Variants in DOCK2 observed in about 807,000 individuals in gnomAD.
The protein encoded by DOCK2 is dedicator of cytokinesis 2.
Under a neutral mutation model 248.9 loss-of-function variants are expected in DOCK2, and 87 were observed. That is an observed-to-expected ratio of 0.35 (90% confidence interval 0.29 to 0.42). DOCK2 has a LOEUF of 0.42. DOCK2 is among the 10% of genes least tolerant of loss of function. The probability of loss-of-function intolerance (pLI) is 1.00; values close to 1 mark genes in which losing one functional copy is unlikely to be tolerated. For missense variants in DOCK2, 1,747 were observed against 2,300.2 expected (o/e 0.76, Z 4.92); for synonymous variants, 805 against 821.6 (o/e 0.98, Z 0.35).
chr5:170,006,080 A>G (rs560501185), intron 30 of DOCK2, among the ~76,000 whole-genome samples: 17 of 152,286 alleles, frequency 1.1e-4, no homozygotes, highest in African/African-American at 3.1e-4. Context: ...GAGAAGGTGT[A>G]AGCTCCGGAC....
At chr5:169,738,384 A>G (rs1198948626) in intron 22 of DOCK2, among the ~76,000 whole-genome samples, 1 of 152,174 alleles carries the variant, frequency 6.6e-6, no homozygotes, top group Non-Finnish European at 1.5e-5. Flanking sequence ...TTGGTCCTCC[A>G]TGGTACTGAT....
At chr5:169,997,195 C>T (rs1278681315) in intron 30 of DOCK2, among the ~76,000 whole-genome samples, 1 of 143,582 alleles carries the variant, frequency 7.0e-6, no homozygotes, top group East Asian at 2.0e-4. Flanking sequence ...TTTAGATATG[C>T]ATACACATAG....
At chr5:169,902,813 G>T (rs1774004211) in intron 27 of DOCK2, among the ~76,000 whole-genome samples, 2 of 152,172 alleles carry the variant, frequency 1.3e-5, no homozygotes, top group Non-Finnish European at 2.9e-5. Flanking sequence ...AAAAGAAAGG[G>T]GTGAGGCCAG....
In DOCK2 at chr5:169,645,265, A is replaced by G. The variant is rs1757394652; in HGVS notation, c.43+7896A>G. On this transcript the variant is annotated intron_variant, in intron 1 of 51. Coordinates refer to ENST00000520908, the MANE Select transcript of DOCK2 (RefSeq NM_004946.3). ...ACATTCCCACCAACAGTGTAAAAGT[A>G]TTCTTATTTCTCCACAGCCTCACCA... Among the ~76,000 whole-genome samples, 4 of 152,196 alleles carry G rather than the reference A, an allele frequency of 2.6e-5. No individual in the cohort carries two copies. The South Asian group carries it at 8.3e-4, about 32-fold the overall frequency.
intron 6 of DOCK2, among the ~76,000 whole-genome samples, chr5:169,675,884 C>A (rs979826565): frequency 5.9e-5 from 9 of 152,224 alleles, no homozygotes; most frequent in Non-Finnish European, 1.3e-4. Flanking sequence ...GGAACACAGT[C>A]CCTCTGCTGA....
Position 169,637,380 on chromosome 5 carries a change from G to A in DOCK2, c.43+11G>A, listed in dbSNP as rs1561894505. On this transcript the variant is annotated intron_variant, in intron 1 of 51. Coordinates refer to ENST00000520908, the MANE Select transcript of DOCK2 (RefSeq NM_004946.3). Reference sequence around the variant, plus strand: ...AGCGGCACGGCGTGGGTAGGTGCGGGCCCCAGGGCGCGGCAGGGAGCGGGA... The same window carrying A: ...AGCGGCACGGCGTGGGTAGGTGCGGACCCCAGGGCGCGGCAGGGAGCGGGA... 2 of 1,392,866 alleles carry A rather than the reference G, an allele frequency of 1.4e-6. No homozygotes were observed. Among genetic ancestry groups the A allele is most frequent in the Non-Finnish European group, 1.9e-6 (2 of 1,072,896 alleles). 86.3% of individuals were successfully genotyped at this position (1,392,866 alleles called of 1,614,324 possible). A position where few individuals can be genotyped will look rare whatever the true frequency, so the allele number is the denominator to read the frequency against.
intron 25 of DOCK2, among the ~76,000 whole-genome samples, chr5:169,769,297 T>A (rs1764959686): frequency 6.6e-6 from 1 of 152,152 alleles, no homozygotes; most frequent in Admixed American, 6.5e-5. Context: ...TTATCTAAAA[T>A]GACTCCCTTT....
intron 27 of DOCK2, among the ~76,000 whole-genome samples, chr5:169,935,391 GCCCTAGCTTT>G (rs1775940251): frequency 4.6e-5 from 7 of 152,278 alleles, no homozygotes; most frequent in African/African-American, 1.7e-4. Flanking sequence ...GGCCTAGAAT[GCCCTAGCTTT>G]CTTTCTCTTC....
At chr5:170,045,122 CACCCCTTCCACCTCTATGCT>C (rs1301914778) in intron 38 of DOCK2, among the ~76,000 whole-genome samples, 1 of 151,858 alleles carries the variant, frequency 6.6e-6, no homozygotes, top group Admixed American at 6.6e-5. Context: ...ATTCTAGCAC[CACCCCTTCCACCTCTATGCT>C]ACCTGACTCT....
chr5:169,638,384 C>A (rs1196798554), intron 1 of DOCK2, among the ~76,000 whole-genome samples: 3 of 152,150 alleles, frequency 2.0e-5, no homozygotes, highest in Non-Finnish European at 2.9e-5. Flanking sequence ...AATAATAATT[C>A]ATATCTCAAG....
intron 26 of DOCK2, among the ~76,000 whole-genome samples, chr5:169,804,479 TGTGTGTGC>T (rs1346236765): frequency 2.8e-5 from 2 of 70,560 alleles, no homozygotes; most frequent in Non-Finnish European, 3.7e-5. Context: ...TGTGTGTGTG[TGTGTGTGC>T]GCGCGCGCGT....
intron 27 of DOCK2, among the ~76,000 whole-genome samples, chr5:169,876,124 G>A (rs568880616): frequency 1.3e-5 from 2 of 152,226 alleles, no homozygotes; most frequent in East Asian, 3.9e-4. Flanking sequence ...TGCCTCTGGC[G>A]TCACATCTCC....
chr5:169,754,243 A>C (rs972270447), intron 23 of DOCK2, among the ~76,000 whole-genome samples: 1 of 152,176 alleles, frequency 6.6e-6, no homozygotes, highest in African/African-American at 2.4e-5. Context: ...ATGTTTAAAC[A>C]CTTGCCGTTT....
chr5:169,819,976 C>A (rs1768320504), intron 26 of DOCK2, among the ~76,000 whole-genome samples: 1 of 152,218 alleles, frequency 6.6e-6, no homozygotes, highest in African/African-American at 2.4e-5. Context: ...AGACTATATC[C>A]CGTGCCTGGC....
chr5:170,076,063 G>A lies in DOCK2; in HGVS notation c.4845G>A (p.Lys1615=). 1 of 1,614,180 alleles carries A rather than the reference G, an allele frequency of 6.2e-7. No homozygotes were observed. Among genetic ancestry groups the A allele is most frequent in the South Asian group, 1.1e-5 (1 of 91,082 alleles). ...CFKNLKMKVE[K]EYGVREMPDF... The stretch of plus-strand genomic sequence containing the variant: ...AGAACCTGAAAATGAAGGTGGAGAA[G>A]GAGTACGGTGTCCGAGAGATGGTAT... The change falls in exon 47 of 52, where the codon AAG becomes AAA. Residue 1615 remains lysine (K), a synonymous_variant. Transcript: ENST00000520908.
chr5:169,662,133 G>A (rs965978866), intron 2 of DOCK2, among the ~76,000 whole-genome samples: 3 of 152,070 alleles, frequency 2.0e-5, no homozygotes, highest in Non-Finnish European at 4.4e-5. Context: ...GTTATCTCTT[G>A]ACTTTTTGAT....
chr5:169,849,417 C>T (rs151292803), intron 27 of DOCK2, among the ~76,000 whole-genome samples: 45 of 152,260 alleles, frequency 3.0e-4, no homozygotes, highest in African/African-American at 9.9e-4. Context: ...CACTCCTAAG[C>T]GATGAATAAC....
intron 27 of DOCK2, among the ~76,000 whole-genome samples, chr5:169,849,025 C>T (rs979557651): frequency 2.0e-5 from 3 of 152,038 alleles, no homozygotes; most frequent in Admixed American, 6.6e-5. Flanking sequence ...TGCAGCAGGA[C>T]AGTAGCAACT....
chr5:170,062,597 G>C (rs191376344), intron 44 of DOCK2, among the ~76,000 whole-genome samples: 132 of 152,242 alleles, frequency 8.7e-4, no homozygotes, highest in Middle Eastern at 6.8e-3. Flanking sequence ...AGGTTCCCCA[G>C]GAGGGCTTGG....
Sources: allele counts gnomAD v4.1 joint callset (sites outside exome capture counted in the v4.1 genomes callset), GRCh38; gene constraint gnomAD v4.1.1; transcripts MANE v1.5; gene names NCBI Gene and HGNC (gene_info 2026-07-23, HGNC 2026-07-21).